Variants in PLXNA2 observed in about 807,000 individuals in gnomAD.
The protein encoded by PLXNA2 is plexin A2.
PLXNA2 carries 91 observed loss-of-function variants against 193.5 expected under a neutral mutation model. The observed-to-expected ratio is 0.47, with a 90% confidence interval of 0.40 to 0.56. The LOEUF (loss-of-function observed/expected upper bound fraction) is 0.56. PLXNA2 is among the 20% of genes least tolerant of loss of function. The pLI is 0.00. For missense variants in PLXNA2, 1,995 were observed against 2,503.2 expected, an observed-to-expected ratio of 0.80 and a Z score of 4.33; for synonymous variants, 997 against 1,027.3, an observed-to-expected ratio of 0.97 and a Z score of 0.56.
chr1:208,024,210 C>G lies in PLXNA2; in HGVS notation c.*3033G>C, dbSNP rs1227997199. The G allele has an allele frequency of 2.0e-5, 3 of 152,236 alleles. No homozygotes were observed. The highest frequency in any genetic ancestry group is 4.4e-5 in the Non-Finnish European group (3 of 68,070). The allele number at this position is 152,236 out of a possible 1,614,324, so 9.4% of individuals were successfully genotyped here. ...AGAGAGACTTCCCTCTCTGCCTCCC[C>G]CAAGATGAATGGCTTCTTGTGGAGA... On this transcript the variant is annotated 3_prime_UTR_variant, in exon 32 of 32. Transcript: ENST00000367033.
rs570644071 is a variant in PLXNA2 at position 208,100,322 on chromosome 1, C to T, written c.1608-1353G>A. 1.0e-3 allele frequency among the ~76,000 whole-genome samples: 154 copies of T among 151,892 alleles called. 6 individuals carry two copies. In the South Asian group the frequency reaches 0.031, roughly 30 times the overall value. ...AGTGAGCTGTGATTGCACCACTACA[C>T]TCTCACCTGGGTGACACAGTGAGAC... On this transcript the variant is annotated intron_variant, in intron 5 of 31. Coordinates refer to ENST00000367033, the MANE Select transcript of PLXNA2 (RefSeq NM_025179.4).
intron 28 of PLXNA2, 123 bp from the exon 29 acceptor site, chr1:208,031,882 G>T: frequency 7.9e-7 from 1 of 1,267,998 alleles, no homozygotes; most frequent in Non-Finnish European, 1.1e-6. Context: ...AGGCTGTGCA[G>T]GCAGTGTTGC....
intron 12 of PLXNA2, among the ~76,000 whole-genome samples, chr1:208,074,442 G>A (rs1268446770): frequency 4.6e-5 from 7 of 152,178 alleles, no homozygotes; most frequent in East Asian, 1.9e-4. Flanking sequence ...ATCACACCAC[G>A]AGCTGGCTGA....
chr1:208,222,632 G>T (rs992188984), intron 1 of PLXNA2, among the ~76,000 whole-genome samples: 3 of 152,138 alleles, frequency 2.0e-5, no homozygotes, highest in Non-Finnish European at 4.4e-5. Context: ...GGCAAAGCAG[G>T]GAAGAAATGA....
intron 1 of PLXNA2, among the ~76,000 whole-genome samples, chr1:208,238,215 AGC>A (rs60603393): frequency 0.011 from 1,710 of 152,296 alleles, 28 homozygotes; most frequent in African/African-American, 0.038. Flanking sequence ...CTCATTCACC[AGC>A]TCTTCACTCG....
chr1:208,131,636 A>C (rs1668157917), intron 4 of PLXNA2, among the ~76,000 whole-genome samples: 1 of 152,128 alleles, frequency 6.6e-6, no homozygotes, highest in Admixed American at 6.5e-5. Flanking sequence ...AGGGCCAGGG[A>C]TTGAGCTGAT....
At chr1:208,199,614 T>G (rs1670473696) in intron 3 of PLXNA2, among the ~76,000 whole-genome samples, 2 of 151,242 alleles carry the variant, frequency 1.3e-5, no homozygotes, top group South Asian at 4.2e-4. Flanking sequence ...TCGCTTGAAC[T>G]AGGGAGTTGG....
intron 17 of PLXNA2, 101 bp from the exon 18 acceptor site, chr1:208,046,218 C>T: frequency 7.1e-7 from 1 of 1,400,724 alleles, no homozygotes. Flanking sequence ...TGTGCCTCGT[C>T]ACTGGGTTTA....
intron 3 of PLXNA2, among the ~76,000 whole-genome samples, chr1:208,154,195 A>T (rs528969589): frequency 1.3e-5 from 2 of 152,290 alleles, no homozygotes; most frequent in South Asian, 4.1e-4. Context: ...AACGCCCCAC[A>T]GCTGCTGGGC....
At chr1:208,179,197 C>A (rs1332816021) in intron 3 of PLXNA2, among the ~76,000 whole-genome samples, 1 of 152,134 alleles carries the variant, frequency 6.6e-6, no homozygotes. Flanking sequence ...CCAGAGGAAG[C>A]CTAAGCATCC....
intron 3 of PLXNA2, among the ~76,000 whole-genome samples, chr1:208,148,163 C>T (rs1168154646): frequency 6.6e-6 from 1 of 152,200 alleles, no homozygotes; most frequent in Non-Finnish European, 1.5e-5. Flanking sequence ...GCAGCCCCCT[C>T]TAAACTCCTT....
At chr1:208,168,031 G>A (rs1669364085) in intron 3 of PLXNA2, among the ~76,000 whole-genome samples, 1 of 152,230 alleles carries the variant, frequency 6.6e-6, no homozygotes, top group Non-Finnish European at 1.5e-5. Flanking sequence ...GGTCTTTAGA[G>A]TCAGAAGACT....
intron 11 of PLXNA2, among the ~76,000 whole-genome samples, chr1:208,080,465 C>T (rs759880609): frequency 2.0e-5 from 3 of 152,120 alleles, no homozygotes; most frequent in Non-Finnish European, 4.4e-5. Flanking sequence ...AAGCAAAACA[C>T]GTAAAAGTCA....
rs200165110 is a variant in PLXNA2, at chr1:208,092,878, C to T, written c.2005G>A (p.Ala669Thr). The T allele has an allele frequency of 4.1e-5, 66 of 1,613,734 alleles. No homozygotes were observed. Among genetic ancestry groups the T allele is most frequent in the African/African-American group, 3.3e-4 (25 of 75,008 alleles). ...HQLCLSCVNS[A>T]FRCHWCKYRN... is the part of the protein sequence containing the mutation. ...TACTTGCACCAATGGCAGCGGAAGG[C>T]GCTGTTGACACAGGACAGGCACCTG... Residue 669 changes from alanine to threonine, a missense_variant, in exon 9 of 32, where the codon GCC (alanine) becomes ACC (threonine). By Grantham distance (58) the Ala-to-Thr change is moderately conservative. Around this residue, in one of 3 missense-constraint regions of PLXNA2, gnomAD observed 1,291 missense variants for 1,673.6 expected, o/e 0.77. Transcript: ENST00000367033.
intron 1 of PLXNA2, among the ~76,000 whole-genome samples, chr1:208,219,625 T>C (rs1671256845): frequency 2.0e-5 from 3 of 152,150 alleles, no homozygotes; most frequent in African/African-American, 4.8e-5. Context: ...CAGACACCAC[T>C]TAGAGAATCC....
intron 3 of PLXNA2, among the ~76,000 whole-genome samples, chr1:208,174,866 C>A (rs2016717): frequency 0.37 from 56,913 of 152,048 alleles, 10,821 homozygotes; most frequent in Middle Eastern, 0.44. Flanking sequence ...AGAAATTCCC[C>A]GAGGAAATGA....
chr1:208,034,609 A>C lies in PLXNA2; in HGVS notation c.4765-17T>G, dbSNP rs1257792914. On this transcript the variant is annotated splice_polypyrimidine_tract_variant and intron_variant, in intron 26 of 31. Transcript: ENST00000367033. ...GTCTGACACCTGAGAAGGGTACAAA[A>C]GGTACAGTACAAAAGGTGAATGTAG... 30 of 1,524,172 alleles carry C rather than the reference A, an allele frequency of 2.0e-5. 1 individual carries two copies. Among genetic ancestry groups the C allele is most frequent in the Non-Finnish European group, 2.6e-5 (28 of 1,097,984 alleles). 94.4% of individuals were successfully genotyped at this position (1,524,172 alleles called of 1,614,324 possible).
At chr1:208,130,236 ACAGAAAGATCAAAGGGC>A in intron 4 of PLXNA2, among the ~76,000 whole-genome samples, 3 of 152,318 alleles carry the variant, frequency 2.0e-5, no homozygotes, top group Middle Eastern at 6.8e-3. Flanking sequence ...CTGGCCTGCT[ACAGAAAGATCAAAGGGC>A]CAGCTGGAAA....
chr1:208,033,784 C>A (rs561695369), intron 27 of PLXNA2, among the ~76,000 whole-genome samples: 1 of 152,348 alleles, frequency 6.6e-6, no homozygotes, highest in East Asian at 1.9e-4. Flanking sequence ...TACTCTGACA[C>A]TCCCAGCAAT....
Sources: gnomAD v4.1 joint callset for allele counts (sites outside exome capture counted in the v4.1 genomes callset) on GRCh38, gnomAD v4.1.1 for gene constraint, gnomAD v4.1.1 regional missense constraint, MANE v1.5 for transcripts, NCBI Gene and HGNC (gene_info 2026-07-23, HGNC 2026-07-21) for gene names.